Variants in RAB6A observed in about 807,000 individuals in gnomAD.
RAB6A encodes RAB6A, member RAS oncogene family, also known as ras-related protein Rab-6A.
In RAB6A, 8 loss-of-function variants were observed where a neutral mutation model predicts 32.3. The ratio of observed to expected loss-of-function variants is 0.25; its 90% CI spans 0.15 to 0.45. The LOEUF (loss-of-function observed/expected upper bound fraction) is 0.45, where lower values mean the gene tolerates loss of function less well. Ranked by LOEUF, RAB6A falls within the 20% of genes least tolerant of loss-of-function variation. The pLI is 1.00. For synonymous variants in RAB6A, 73 were observed against 82.1 expected (o/e 0.89, Z 0.60); for missense variants, 104 against 249.4 (o/e 0.42, Z 3.93).
At chr11:73,721,185 TA>T (rs1565364239) in intron 2 of RAB6A, among the ~76,000 whole-genome samples, 1 of 152,246 alleles carries the variant, frequency 6.6e-6, no homozygotes, top group Non-Finnish European at 1.5e-5. Context: ...TTTCTCATTT[TA>T]CAAATAACAA....
chr11:73,731,684 TTATATA>T (rs1157961323), intron 1 of RAB6A, among the ~76,000 whole-genome samples: 140 of 14,448 alleles, frequency 9.7e-3, no homozygotes, highest in Middle Eastern at 0.059. Flanking sequence ...TAGATAGATA[TTATATA>T]TATATATATA....
intron 1 of RAB6A, among the ~76,000 whole-genome samples, chr11:73,745,630 A>T (rs1218913811): frequency 6.6e-6 from 1 of 152,142 alleles, no homozygotes; most frequent in Admixed American, 6.6e-5. Context: ...CAGGAGTTTG[A>T]GACCAGGCTG....
Position 73,685,588 on chromosome 11 carries a change from G to GAAAGTCCTTTTTTTTTTTTTTTTT in RAB6A, c.496-5869_496-5868insAAAAAAAAAAAAAAAAAGGACTTT, listed in dbSNP as rs1555054176. Among the ~76,000 whole-genome samples the GAAAGTCCTTTTTTTTTTTTTTTTT allele has an allele frequency of 6.7e-5, 6 of 89,572 alleles. No homozygotes were observed. In the South Asian group the frequency reaches 2.4e-3, roughly 36 times the overall value. 58.8% of individuals were successfully genotyped at this position (89,572 alleles called of 152,430 possible). A position where few individuals can be genotyped will look rare whatever the true frequency, so the allele number is the denominator to read the frequency against. ...AAGTGTGAGCCACCACGCCCGGACT[G>GAAAGTCCTTTTTTTTTTTTTTTTT]AAAGTAGCGACCAGGTGCGGTGCCT... On this transcript the variant is annotated intron_variant, in intron 6 of 7. Transcript: ENST00000336083.
At chr11:73,735,636 G>A (rs945389613) in intron 1 of RAB6A, among the ~76,000 whole-genome samples, 6 of 152,118 alleles carry the variant, frequency 3.9e-5, no homozygotes, top group Admixed American at 3.9e-4. Context: ...AGGACCATGA[G>A]TATTAGAGAG....
chr11:73,758,575 C>T (rs1232009061), intron 1 of RAB6A, among the ~76,000 whole-genome samples: 1 of 152,034 alleles, frequency 6.6e-6, no homozygotes. Context: ...AAATTAGAAG[C>T]CATAAAACTC....
intron 1 of RAB6A, among the ~76,000 whole-genome samples, chr11:73,731,684 TTATATATATATATATATATATATA>T (rs1157961323): frequency 1.0e-3 from 15 of 14,526 alleles, no homozygotes; most frequent in Non-Finnish European, 1.5e-3. Flanking sequence ...TAGATAGATA[TTATATATATATATATATATATATA>T]TATATATATA....
chr11:73,738,152 ATTTT>A (rs1236177833), intron 1 of RAB6A, among the ~76,000 whole-genome samples: 1 of 151,958 alleles, frequency 6.6e-6, no homozygotes, highest in Non-Finnish European at 1.5e-5. Flanking sequence ...TGTGAATGTT[ATTTT>A]TTATTTATTT....
rs867673242 is a variant in RAB6A, at chr11:73,683,066, A to G, written c.496-3346T>C. On this transcript the variant is annotated intron_variant, in intron 6 of 7. Coordinates refer to ENST00000336083, the MANE Select transcript of RAB6A (RefSeq NM_198896.2). ...TTGAGTCAAAAGTGTTCTCCCACCA[A>G]TATCAGCTGAAAACTTGAAAATCAC... is the stretch of plus-strand genomic sequence containing the variant. Among the ~76,000 whole-genome samples, 145 of 152,100 alleles carry G rather than the reference A, an allele frequency of 9.5e-4. 3 individuals carry two copies. The highest frequency in any genetic ancestry group is 4.0e-4 in the Non-Finnish European group (27 of 68,018).
chr11:73,704,685 AAAAAAATAAATAAAT>A (rs1326377551), intron 6 of RAB6A, among the ~76,000 whole-genome samples: 6 of 149,914 alleles, frequency 4.0e-5, no homozygotes, highest in African/African-American at 1.5e-4. Flanking sequence ...CTCCATCTCA[AAAAAAATAAATAAAT>A]AAAAAATAAA....
chr11:73,693,905 C>T (rs1433811716), intron 6 of RAB6A, among the ~76,000 whole-genome samples: 1 of 151,832 alleles, frequency 6.6e-6, no homozygotes, highest in Non-Finnish European at 1.5e-5. Context: ...TTAAAGTGAT[C>T]CCACTGGCCC....
intron 1 of RAB6A, among the ~76,000 whole-genome samples, chr11:73,743,587 A>T (rs1235965497): frequency 6.6e-6 from 1 of 152,076 alleles, no homozygotes; most frequent in African/African-American, 2.4e-5. Context: ...GGATCACTGC[A>T]GCCTGGGCAA....
chr11:73,739,284 A>AAAAAAAAAAAATAC (rs1208877325), intron 1 of RAB6A, among the ~76,000 whole-genome samples: 1 of 6,754 alleles, frequency 1.5e-4, no homozygotes, highest in African/African-American at 3.3e-4. Flanking sequence ...AAAAAAAAAA[A>AAAAAAAAAAAATAC]ATATATATAT....
rs966000212 is a variant in RAB6A, at chr11:73,685,555, G to A, written c.496-5835C>T. Among the ~76,000 whole-genome samples, 8 of 80,792 alleles carry A rather than the reference G, an allele frequency of 9.9e-5. 1 individual carries two copies. The Admixed American group carries it at 1.2e-3, about 13-fold the overall frequency. The allele number at this position is 80,792 out of a possible 152,430, so 53.0% of individuals were successfully genotyped here. A position where few individuals can be genotyped will look rare whatever the true frequency, so the allele number is the denominator to read the frequency against. On this transcript the variant is annotated intron_variant, in intron 6 of 7. Transcript: ENST00000336083. ...GCCTGCCTCAGCCTCCCAAAGTGCTGGGATTACAAGTGTGAGCCACCACGC... is the reference window on the plus strand; with the variant it reads ...GCCTGCCTCAGCCTCCCAAAGTGCTAGGATTACAAGTGTGAGCCACCACGC...
At chr11:73,683,502 C>A (rs1329549106) in intron 6 of RAB6A, among the ~76,000 whole-genome samples, 2 of 151,790 alleles carry the variant, frequency 1.3e-5, no homozygotes, top group African/African-American at 4.8e-5. Flanking sequence ...AAGTGATCTG[C>A]CTACCTCAGC....
At chr11:73,727,334 G>A (rs1946237946) in intron 2 of RAB6A, among the ~76,000 whole-genome samples, 1 of 151,466 alleles carries the variant, frequency 6.6e-6, no homozygotes. Flanking sequence ...GCTGAGGCAG[G>A]AGAAACCCAT....
intron 5 of RAB6A, among the ~76,000 whole-genome samples, chr11:73,710,561 AC>A: frequency 6.6e-6 from 1 of 151,394 alleles, no homozygotes; most frequent in East Asian, 2.0e-4. Flanking sequence ...ACATGATAAA[AC>A]CCCATCTCTA....
intron 1 of RAB6A, among the ~76,000 whole-genome samples, chr11:73,753,604 C>T (rs1382912153): frequency 6.6e-6 from 1 of 151,518 alleles, no homozygotes; most frequent in South Asian, 2.1e-4. Context: ...CCAGCTACTC[C>T]GGAGGCTGAG....
intron 6 of RAB6A, among the ~76,000 whole-genome samples, chr11:73,697,835 A>C (rs779472088): frequency 3.3e-5 from 5 of 152,222 alleles, no homozygotes; most frequent in Non-Finnish European, 7.3e-5. Flanking sequence ...ATCTGAGTTA[A>C]TTAATGACTG....
chr11:73,690,132 C>T (rs1945527432), intron 6 of RAB6A, among the ~76,000 whole-genome samples: 1 of 152,140 alleles, frequency 6.6e-6, no homozygotes, highest in Non-Finnish European at 1.5e-5. Context: ...AGAAACTCTA[C>T]TATTAACTAC....
Sources: gnomAD v4.1 joint callset for allele counts (sites outside exome capture counted in the v4.1 genomes callset) on GRCh38, gnomAD v4.1.1 for gene constraint, MANE v1.5 for transcripts, NCBI Gene and HGNC (gene_info 2026-07-23, HGNC 2026-07-21) for gene names.